YTHDC2: variants seen among roughly 807,000 people sequenced by gnomAD.
The protein encoded by YTHDC2 is YTH N6-methyladenosine RNA binding protein C2.
A neutral mutation model predicts 174.9 loss-of-function variants in YTHDC2; 45 were observed. The ratio of observed to expected loss-of-function variants is 0.26; its 90% CI spans 0.20 to 0.33. The LOEUF is 0.33. Among genes scored for constraint, YTHDC2 ranks in the 10% least tolerant of loss-of-function variants. YTHDC2 has a pLI of 1.00. For synonymous variants in YTHDC2, 657 were observed against 574.5 expected, an observed-to-expected ratio of 1.14 and a Z score of -2.05; for missense variants, 1,650 against 1,723.7, an observed-to-expected ratio of 0.96 and a Z score of 0.76.
At chr5:113,549,139 T>C (rs993635011) in intron 12 of YTHDC2, 119 bp downstream of exon 12, 2 of 850,742 alleles carry the variant, frequency 2.4e-6, no homozygotes, top group African/African-American at 3.5e-5. Context: ...AGATTTTTTT[T>C]TGTGATTCTA....
At chr5:113,567,347 A>G (rs1777405296) in intron 22 of YTHDC2, 50 bp downstream of exon 22, 2 of 1,451,046 alleles carry the variant, frequency 1.4e-6, no homozygotes, top group Admixed American at 2.5e-5. Flanking sequence ...TAATTTAGGT[A>G]GTTCACTATC....
chr5:113,557,318 A>G (rs1282129730), intron 17 of YTHDC2, among the ~76,000 whole-genome samples: 1 of 152,208 alleles, frequency 6.6e-6, no homozygotes, highest in Non-Finnish European at 1.5e-5. Flanking sequence ...ATTAGCAGGA[A>G]AACATGAAAT....
In YTHDC2 at chr5:113,569,000, TC is replaced by T. The variant is rs1777540034; in HGVS notation, c.3244+1153del. 2.0e-5 allele frequency among the ~76,000 whole-genome samples: 3 copies of T among 152,318 alleles called. No individual in the cohort carries two copies. The South Asian group carries it at 6.2e-4, about 32-fold the overall frequency. ...TAATTACACAGTAGTGTAAAAGTGT[TC>T]CTTTTTCTCTACAACCTCACCAGCA... is the stretch of plus-strand genomic sequence containing the variant. On this transcript the variant is annotated intron_variant, in intron 23 of 29. Coordinates refer to ENST00000161863, the MANE Select transcript of YTHDC2 (RefSeq NM_022828.5).
Position 113,535,717 on chromosome 5 carries a change from A to G in YTHDC2, c.1021A>G (p.Thr341Ala). The G allele has an allele frequency of 1.9e-6, 3 of 1,613,792 alleles. No homozygotes were observed. Among genetic ancestry groups the G allele is most frequent in the African/African-American group, 1.3e-5 (1 of 75,042 alleles). ...KLRDLLQKHP[T>A]LKLILSSAAL... Reference sequence around the variant, plus strand: ...AAGAGATTTGTTGCAAAAGCACCCAACTTTGAAACTAATTCTTTCTAGTGC... The same window carrying G: ...AAGAGATTTGTTGCAAAAGCACCCAGCTTTGAAACTAATTCTTTCTAGTGC... Residue 341 changes from threonine to alanine, a missense_variant, in exon 7 of 30, where the codon ACT (threonine) becomes GCT (alanine). Around this residue, in one of 5 missense-constraint regions of YTHDC2, gnomAD observed 411 missense variants for 380.6 expected, o/e 1.08. Coordinates refer to ENST00000161863, the MANE Select transcript of YTHDC2 (RefSeq NM_022828.5).
Position 113,561,067 on chromosome 5 carries a change from C to G in YTHDC2, c.2217-13C>G. On this transcript the variant is annotated splice_polypyrimidine_tract_variant and intron_variant, in intron 17 of 29. Transcript: ENST00000161863. ...TCGTTGTTTGAGTCCTAATCTTGTA[C>G]TTTATTTTTAAGGGCAGGGCGATGT... 6.3e-7 allele frequency: 1 copy of G among 1,592,314 alleles called. No individual in the cohort carries two copies. The highest frequency in any genetic ancestry group is 1.2e-5 in the South Asian group (1 of 86,196).
intron 4 of YTHDC2, among the ~76,000 whole-genome samples, chr5:113,527,327 T>C (rs1774332857): frequency 6.6e-6 from 1 of 152,238 alleles, no homozygotes; most frequent in South Asian, 2.1e-4. Context: ...ATTAATATGA[T>C]AGGTTTGACT....
rs536710828 is a variant in YTHDC2 at position 113,593,718 on chromosome 5, A to G, written c.*244A>G. ...AATAGTAGTTTCATTATTTGGCACA[A>G]TAGCAGTTTATTTTAAACAAACAAT... On this transcript the variant is annotated 3_prime_UTR_variant, in exon 30 of 30. Transcript: ENST00000161863. The G allele has an allele frequency of 2.3e-4, 38 of 166,852 alleles. No individual in the cohort carries two copies. Among genetic ancestry groups the G allele is most frequent in the Non-Finnish European group, 3.9e-4 (30 of 77,500 alleles). 10.3% of individuals were successfully genotyped at this position (166,852 alleles called of 1,614,324 possible).
intron 7 of YTHDC2, among the ~76,000 whole-genome samples, chr5:113,538,728 G>A (rs1775252324): frequency 6.6e-6 from 1 of 151,998 alleles, no homozygotes; most frequent in Non-Finnish European, 1.5e-5. Context: ...TTCATATTCT[G>A]GATTTTTGGA....
At chr5:113,543,028 T>A (rs1332629726) in intron 10 of YTHDC2, among the ~76,000 whole-genome samples, 1 of 152,216 alleles carries the variant, frequency 6.6e-6, no homozygotes, top group Non-Finnish European at 1.5e-5. Flanking sequence ...CCTGTAAATA[T>A]GAAATCTCCT....
intron 28 of YTHDC2, 58 bp downstream of exon 28, chr5:113,592,236 C>A: frequency 1.4e-6 from 2 of 1,470,306 alleles, no homozygotes; most frequent in African/African-American, 1.5e-5. Context: ...TTCTGTTATC[C>A]AGTGCTTTAA....
Position 113,542,418 on chromosome 5 carries a change from T to A in YTHDC2, c.1410T>A (p.Asp470Glu), listed in dbSNP as rs991586609. 1.9e-6 allele frequency: 3 copies of A among 1,613,040 alleles called. No homozygotes were observed. The Admixed American group carries it at 5.0e-5, about 27-fold the overall frequency. The change falls in exon 10 of 30, where the codon GAT (aspartate) becomes GAA (glutamate). Residue 470 changes from aspartate (D) to glutamate (E), a missense_variant. Physicochemically the swap from Asp to Glu is conservative, Grantham distance 45. This residue lies in a region of YTHDC2 where 411 missense variants were observed against 380.6 expected (regional missense o/e 1.08). Coordinates refer to ENST00000161863, the MANE Select transcript of YTHDC2 (RefSeq NM_022828.5). ...CLEPWLIKEMDACLSDIWLHK... is the reference protein window; with the variant it reads ...CLEPWLIKEMEACLSDIWLHK... ...AACCATGGTTAATAAAGGAAATGGA[T>A]GCTTGCCTTTCTGATATATGGCTAC...
At chr5:113,593,243 G>A in intron 28 of YTHDC2, 60 bp from the exon 29 acceptor site, 3 of 1,283,724 alleles carry the variant, frequency 2.3e-6, no homozygotes, top group Non-Finnish European at 3.4e-6. Flanking sequence ...GTAGGTTTTG[G>A]TCATTAAAAA....
intron 24 of YTHDC2, chr5:113,581,165 A>G (rs991829254): frequency 2.5e-5 from 8 of 325,442 alleles, no homozygotes; most frequent in African/African-American, 8.6e-5. Flanking sequence ...AGTATTAATC[A>G]CACTCTGCCA....
Position 113,581,650 on chromosome 5 carries a change from T to C in YTHDC2, c.3588T>C (p.Asn1196=), listed in dbSNP as rs771403181. 1.9e-6 allele frequency: 3 copies of C among 1,612,818 alleles called. No homozygotes were observed. The East Asian group carries it at 6.7e-5, about 36-fold the overall frequency. The part of the protein sequence containing the change: ...ELPLASSWRS[N]NSRKSSADTE... Reference sequence around the variant, plus strand: ...CTTTGGCCTCATCTTGGAGGTCAAATAATAGTAGGAAAAGTTCAGCAGATA... The same window carrying C: ...CTTTGGCCTCATCTTGGAGGTCAAACAATAGTAGGAAAAGTTCAGCAGATA... Residue 1196 remains asparagine (N), a synonymous_variant, in exon 25 of 30, where the codon AAT becomes AAC. Coordinates refer to ENST00000161863, the MANE Select transcript of YTHDC2 (RefSeq NM_022828.5).
In YTHDC2 at chr5:113,570,736, C is replaced by T. The variant is rs142231548; in HGVS notation, c.3244+2887C>T. ...TGTGATCTCAGCTCACTGCAACCTC[C>T]GCCTTCTGGGTTCAAGCAATTCTGC... On this transcript the variant is annotated intron_variant, in intron 23 of 29. Transcript: ENST00000161863. Among the ~76,000 whole-genome samples, 1,302 of 152,138 alleles carry T rather than the reference C, an allele frequency of 8.6e-3. 10 individuals are homozygous for T. Among genetic ancestry groups the T allele is most frequent in the Non-Finnish European group, 0.014 (939 of 67,990 alleles).
intron 28 of YTHDC2, 112 bp downstream of exon 28, chr5:113,592,290 A>C: frequency 9.4e-7 from 1 of 1,066,352 alleles, no homozygotes; most frequent in South Asian, 2.0e-5. Flanking sequence ...TTCCATATGC[A>C]CATGGGAAAC....
At chr5:113,544,372 A>G (rs1775705129) in intron 10 of YTHDC2, among the ~76,000 whole-genome samples, 1 of 152,022 alleles carries the variant, frequency 6.6e-6, no homozygotes, top group South Asian at 2.1e-4. Flanking sequence ...GATGGTCTCA[A>G]TCTCTTGACC....
intron 25 of YTHDC2, chr5:113,583,031 T>C (rs1463985865): frequency 6.6e-6 from 1 of 152,196 alleles, no homozygotes; most frequent in Non-Finnish European, 1.5e-5. Flanking sequence ...TATATTTCCA[T>C]AGGAGTTATT....
At chr5:113,542,132 C>T (rs1219093146) in intron 9 of YTHDC2, among the ~76,000 whole-genome samples, 6 of 152,124 alleles carry the variant, frequency 3.9e-5, no homozygotes, top group African/African-American at 1.4e-4. Context: ...AACATCGTGA[C>T]TAGATCATAG....
Sources: gnomAD v4.1 joint callset for allele counts (sites outside exome capture counted in the v4.1 genomes callset) on GRCh38, gnomAD v4.1.1 for gene constraint, gnomAD v4.1.1 regional missense constraint, MANE v1.5 for transcripts, NCBI Gene and HGNC (gene_info 2026-07-23, HGNC 2026-07-21) for gene names.